Variants in TMEM132C observed in about 807,000 individuals in gnomAD.
TMEM132C encodes the protein transmembrane protein 132C.
TMEM132C carries 29 observed loss-of-function variants against 61.4 expected under a neutral mutation model. The observed-to-expected ratio is 0.47, with a 90% CI of 0.35 to 0.64. TMEM132C has a LOEUF of 0.64. Ranked by LOEUF, TMEM132C falls within the 30% of genes least tolerant of loss-of-function variation. The probability of loss-of-function intolerance (pLI) is 0.00; values close to 1 mark genes in which losing one functional copy is unlikely to be tolerated. For synonymous variants in TMEM132C, 656 were observed against 633.1 expected (o/e 1.04, Z -0.54); for missense variants, 1,408 against 1,476.9 (o/e 0.95, Z 0.76).
chr12:128,616,947 A>G (rs1876820815), intron 4 of TMEM132C, among the ~76,000 whole-genome samples: 1 of 152,222 alleles, frequency 6.6e-6, no homozygotes, highest in African/African-American at 2.4e-5. Context: ...TCATGCTATG[A>G]GAAATGGATT....
chr12:128,404,708 C>G (rs1875278791), intron 1 of TMEM132C: 1 of 152,090 alleles, frequency 6.6e-6, no homozygotes, highest in Non-Finnish European at 1.5e-5. Flanking sequence ...CATCCCTGGT[C>G]AACACGTCTG....
At chr12:128,586,385 A>G (rs887373537) in intron 3 of TMEM132C, among the ~76,000 whole-genome samples, 1 of 150,618 alleles carries the variant, frequency 6.6e-6, no homozygotes, top group African/African-American at 2.4e-5. Flanking sequence ...TTGTGTTTTT[A>G]TAAATATATA....
intron 1 of TMEM132C, among the ~76,000 whole-genome samples, chr12:128,290,848 CAA>C (rs769921191): frequency 6.4e-5 from 9 of 139,686 alleles, no homozygotes; most frequent in African/African-American, 1.7e-4. Flanking sequence ...GCTCATTTAA[CAA>C]AAAAAAAAAA....
intron 1 of TMEM132C, among the ~76,000 whole-genome samples, chr12:128,379,034 A>G (rs1385117788): frequency 1.3e-5 from 2 of 152,160 alleles, no homozygotes; most frequent in Non-Finnish European, 2.9e-5. Context: ...GCCATATGGA[A>G]CTGTGAGTCC....
At chr12:128,367,834 A>G (rs1312346421) in intron 1 of TMEM132C, among the ~76,000 whole-genome samples, 2 of 152,178 alleles carry the variant, frequency 1.3e-5, no homozygotes, top group Admixed American at 6.5e-5. Flanking sequence ...AATGTTATTA[A>G]AATTAATTTC....
At chr12:128,386,340 C>T (rs372231117) in intron 1 of TMEM132C, among the ~76,000 whole-genome samples, 40 of 152,306 alleles carry the variant, frequency 2.6e-4, no homozygotes, top group Admixed American at 1.6e-3. Flanking sequence ...GAAGGGCCAA[C>T]GCTTGCCTTT....
At chr12:128,615,009 G>A (rs1256130042) in intron 3 of TMEM132C, among the ~76,000 whole-genome samples, 1 of 152,202 alleles carries the variant, frequency 6.6e-6, no homozygotes, top group Non-Finnish European at 1.5e-5. Context: ...GGGCCACTGT[G>A]CTCACCAGAA....
In TMEM132C at chr12:128,667,481, A is replaced by G. The variant is rs184679492; in HGVS notation, c.1306-1936A>G. 2.7e-3 allele frequency among the ~76,000 whole-genome samples: 416 copies of G among 152,346 alleles called. 1 individual carries two copies. Among genetic ancestry groups the G allele is most frequent in the Non-Finnish European group, 4.7e-3 (323 of 68,026 alleles). ...AGGAATCCCACGGACCCAGGAGAAG[A>G]CACAGCCGAGGGTGGTAACTGCTGG... is the stretch of plus-strand genomic sequence containing the variant. On this transcript the variant is annotated intron_variant, in intron 4 of 8. Coordinates refer to ENST00000435159, the MANE Select transcript of TMEM132C (RefSeq NM_001136103.3).
At chr12:128,391,496 T>G (rs566907705) in intron 1 of TMEM132C, among the ~76,000 whole-genome samples, 1 of 152,312 alleles carries the variant, frequency 6.6e-6, no homozygotes, top group Admixed American at 6.5e-5. Flanking sequence ...AGCAAAAGAT[T>G]AAGTAGCCCT....
chr12:128,520,537 C>T (rs1022739967), intron 2 of TMEM132C, among the ~76,000 whole-genome samples: 1 of 152,152 alleles, frequency 6.6e-6, no homozygotes, highest in Non-Finnish European at 1.5e-5. Flanking sequence ...ATATGTATAC[C>T]ACAGAATTTC....
chr12:128,655,222 C>T (rs1190494633), intron 4 of TMEM132C, among the ~76,000 whole-genome samples: 1 of 152,152 alleles, frequency 6.6e-6, no homozygotes, highest in Non-Finnish European at 1.5e-5. Context: ...ACAGGGTTCT[C>T]TTTTCTCCCC....
chr12:128,368,741 T>G (rs999056591), intron 1 of TMEM132C, among the ~76,000 whole-genome samples: 1 of 152,172 alleles, frequency 6.6e-6, no homozygotes, highest in Non-Finnish European at 1.5e-5. Context: ...TGTTTTTAGG[T>G]AACTGTTTTA....
intron 5 of TMEM132C, among the ~76,000 whole-genome samples, chr12:128,679,336 A>T (rs2135639233): frequency 6.6e-6 from 1 of 152,346 alleles, no homozygotes; most frequent in South Asian, 2.1e-4. Flanking sequence ...AAACAACCTG[A>T]CATCTCAGTA....
In TMEM132C at chr12:128,566,189, C is replaced by CAAAAAAAAAAAAAAAAAA. The variant is rs59258589; in HGVS notation, c.1121+22087_1121+22104dup. Among the ~76,000 whole-genome samples the CAAAAAAAAAAAAAAAAAA allele has an allele frequency of 3.7e-3, 251 of 67,734 alleles. 11 individuals are homozygous for CAAAAAAAAAAAAAAAAAA. Among genetic ancestry groups the CAAAAAAAAAAAAAAAAAA allele is most frequent in the East Asian group, 0.015 (33 of 2,160 alleles). The allele number at this position is 67,734 out of a possible 152,430, so 44.4% of individuals were successfully genotyped here. A position where few individuals can be genotyped will look rare whatever the true frequency, so the allele number is the denominator to read the frequency against. On this transcript the variant is annotated intron_variant, in intron 3 of 8. Coordinates refer to ENST00000435159, the MANE Select transcript of TMEM132C (RefSeq NM_001136103.3). ...ATAGGCATGAGACACCAAGCCTAAC[C>CAAAAAAAAAAAAAAAAAA]AAAAAAAAAAAAAAAAAAGTTTTAA... is the stretch of plus-strand genomic sequence containing the variant.
intron 2 of TMEM132C, among the ~76,000 whole-genome samples, chr12:128,483,169 G>GA (rs960072335): frequency 6.0e-5 from 9 of 150,132 alleles, no homozygotes; most frequent in African/African-American, 2.2e-4. Flanking sequence ...TTGGGAGGCT[G>GA]AGGTGGGGCG....
chr12:128,391,081 A>G (rs1279363953), intron 1 of TMEM132C, among the ~76,000 whole-genome samples: 2 of 152,140 alleles, frequency 1.3e-5, no homozygotes, highest in Non-Finnish European at 2.9e-5. Flanking sequence ...CTGCCCTGAG[A>G]AGTTCTTTGG....
intron 2 of TMEM132C, among the ~76,000 whole-genome samples, chr12:128,433,358 C>T (rs1008200588): frequency 1.3e-5 from 2 of 152,184 alleles, no homozygotes; most frequent in African/African-American, 2.4e-5. Context: ...ATTTTCTTTG[C>T]TTTACTTCTG....
chr12:128,385,830 G>A (rs1007917191), intron 1 of TMEM132C, among the ~76,000 whole-genome samples: 20 of 152,272 alleles, frequency 1.3e-4, no homozygotes, highest in East Asian at 1.9e-4. Flanking sequence ...CTGATTTGCC[G>A]CAGCCGCAAG....
intron 3 of TMEM132C, among the ~76,000 whole-genome samples, chr12:128,555,937 C>G (rs1008597836): frequency 4.6e-5 from 7 of 152,228 alleles, no homozygotes; most frequent in Admixed American, 3.3e-4. Context: ...AGGTTGGCCT[C>G]AAACTCTTGG....
Sources: gnomAD v4.1 joint callset for allele counts (sites outside exome capture counted in the v4.1 genomes callset) on GRCh38, gnomAD v4.1.1 for gene constraint, MANE v1.5 for transcripts, NCBI Gene and HGNC (gene_info 2026-07-23, HGNC 2026-07-21) for gene names.